The following METTL8 variants were observed in gnomAD, a reference collection of about 807,000 sequenced individuals.
The protein encoded by METTL8 is tRNA N(3)-cytidine methyltransferase METTL8, mitochondrial.
In METTL8, 32 loss-of-function variants were observed where a neutral mutation model predicts 48.7. The ratio of observed to expected loss-of-function variants is 0.66; its 90% CI spans 0.50 to 0.88. The LOEUF is 0.88. Ranked by LOEUF, METTL8 falls within the 40% of genes least tolerant of loss-of-function variation. The probability of loss-of-function intolerance (pLI) is 0.00; values close to 1 mark genes in which losing one functional copy is unlikely to be tolerated. For missense variants in METTL8, 464 were observed against 474.4 expected, an observed-to-expected ratio of 0.98 and a Z score of 0.20; for synonymous variants, 136 against 157.1, an observed-to-expected ratio of 0.87 and a Z score of 1.01.
At chr2:171,404,105 G>C (rs1328502551) in intron 1 of METTL8, among the ~76,000 whole-genome samples, 3 of 76,100 alleles carry the variant, frequency 3.9e-5, no homozygotes, top group African/African-American at 5.3e-5. Flanking sequence ...ATATATGATA[G>C]TTTAACTTAC....
At chr2:171,352,675 C>G (rs1378612778) in intron 3 of METTL8, among the ~76,000 whole-genome samples, 2 of 152,190 alleles carry the variant, frequency 1.3e-5, no homozygotes, top group Non-Finnish European at 2.9e-5. Context: ...AGGGATTCAA[C>G]TTCTTCCTGG....
chr2:171,381,724 G>C (rs944310121), intron 2 of METTL8, among the ~76,000 whole-genome samples: 3 of 151,690 alleles, frequency 2.0e-5, no homozygotes, highest in Non-Finnish European at 4.4e-5. Context: ...AGTCGGAATG[G>C]CGAGTATTAA....
At chr2:171,422,818 C>T (rs763190735) in intron 1 of METTL8, among the ~76,000 whole-genome samples, 13 of 152,128 alleles carry the variant, frequency 8.5e-5, no homozygotes, top group Non-Finnish European at 1.6e-4. Flanking sequence ...CAAATGCAGG[C>T]AAGGATGTAA....
chr2:171,434,366 C>T (rs1350956940), upstream of METTL8: 6 of 824,290 alleles, frequency 7.3e-6, no homozygotes, highest in Admixed American at 2.0e-5. Context: ...GTGCTTCTTC[C>T]CTTCTCTCCG....
chr2:171,344,038 G>C (rs530967002), intron 3 of METTL8, among the ~76,000 whole-genome samples: 1 of 152,234 alleles, frequency 6.6e-6, no homozygotes, highest in African/African-American at 2.4e-5. Flanking sequence ...CTATTTTCAA[G>C]CCTTTTCCAA....
intron 7 of METTL8, 159 bp from the exon 8 acceptor site, chr2:171,326,307 GA>G: frequency 3.6e-6 from 2 of 551,848 alleles, no homozygotes; most frequent in South Asian, 5.8e-5. Context: ...ATTTTGTAAA[GA>G]AGAAAAAACC....
intron 2 of METTL8, among the ~76,000 whole-genome samples, chr2:171,381,928 C>T (rs1369169258): frequency 2.0e-5 from 3 of 151,912 alleles, no homozygotes; most frequent in African/African-American, 4.8e-5. Flanking sequence ...ACTACAGGCA[C>T]GCATCACCAC....
chr2:171,430,495 C>T (rs1574271405), intron 1 of METTL8, among the ~76,000 whole-genome samples: 2 of 152,198 alleles, frequency 1.3e-5, no homozygotes, highest in East Asian at 3.9e-4. Flanking sequence ...TATAACAAAA[C>T]TGCACGTTCT....
chr2:171,396,786 T>C (rs941502702), intron 1 of METTL8, among the ~76,000 whole-genome samples: 1 of 151,996 alleles, frequency 6.6e-6, no homozygotes, highest in Non-Finnish European at 1.5e-5. Flanking sequence ...TAGAGAGAAA[T>C]TTATAGTTTT....
At chr2:171,382,947 G>A (rs184202716) in intron 2 of METTL8, among the ~76,000 whole-genome samples, 144 of 152,018 alleles carry the variant, frequency 9.5e-4, no homozygotes, top group African/African-American at 3.0e-3. Context: ...GGTGGCGGGC[G>A]CCTGTAATCC....
At chr2:171,401,211 C>CT (rs34794310) in intron 1 of METTL8, among the ~76,000 whole-genome samples, 175 of 152,184 alleles carry the variant, frequency 1.1e-3, no homozygotes, top group African/African-American at 4.1e-3. Flanking sequence ...TACTGTTGTA[C>CT]TTTTTTGGAG....
chr2:171,397,479 A>T (rs533337486), intron 1 of METTL8, among the ~76,000 whole-genome samples: 8 of 147,732 alleles, frequency 5.4e-5, no homozygotes, highest in African/African-American at 1.7e-4. Context: ...ACTTGAGTTC[A>T]GGAGTTCAAG....
rs141169319 is a variant in METTL8 at position 171,339,372 on chromosome 2, G to T, written c.418C>A (p.Arg140Ser). 7.4e-6 allele frequency: 12 copies of T among 1,613,050 alleles called. No homozygotes were observed. The highest frequency in any genetic ancestry group is 9.3e-6 in the Non-Finnish European group (11 of 1,179,406). ...WDHVKTSATN[R>S]FSRMHCPTVP... ...GTAGGACAGTGCATTCTTGAGAAAC[G>T]ATTTGTAGCACTAGTTTTTACATGA... The change falls in exon 4 of 10, where the codon CGT (arginine) becomes AGT (serine). Residue 140 changes from arginine to serine, a missense_variant. Transcript: ENST00000375258.
intron 3 of METTL8, among the ~76,000 whole-genome samples, chr2:171,353,463 T>C (rs1215919317): frequency 2.6e-5 from 4 of 152,088 alleles, no homozygotes; most frequent in Admixed American, 6.5e-5. Context: ...GGGTGGAGAG[T>C]TCTGTAGATG....
At chr2:171,378,565 G>A (rs1430193019) in intron 2 of METTL8, among the ~76,000 whole-genome samples, 1 of 152,122 alleles carries the variant, frequency 6.6e-6, no homozygotes, top group African/African-American at 2.4e-5. Flanking sequence ...CCGGGAGGTG[G>A]AGGTTGCAGT....
intron 2 of METTL8, chr2:171,375,233 C>T (rs555491532): frequency 5.1e-5 from 64 of 1,267,158 alleles, no homozygotes; most frequent in East Asian, 2.3e-4. Flanking sequence ...TGCACGTGGC[C>T]GCGGCCCTTT....
At chr2:171,349,031 CTA>C (rs1269403018) in intron 3 of METTL8, among the ~76,000 whole-genome samples, 1 of 152,062 alleles carries the variant, frequency 6.6e-6, no homozygotes, top group Admixed American at 6.6e-5. Flanking sequence ...AACATCTTAA[CTA>C]TTTTAAAATG....
At chr2:171,434,413 C>T, upstream of METTL8, 1 of 1,231,188 alleles carries the variant, frequency 8.1e-7, no homozygotes, top group African/African-American at 1.5e-5. Context: ...TTTCCCTCGC[C>T]CCGCCGTCGG....
intron 1 of METTL8, among the ~76,000 whole-genome samples, chr2:171,392,660 G>A (rs1045374068): frequency 2.0e-5 from 3 of 152,026 alleles, no homozygotes; most frequent in Admixed American, 1.3e-4. Flanking sequence ...CTCATTCTCC[G>A]TGCTGAACTG....
Sources: allele counts gnomAD v4.1 joint callset (sites outside exome capture counted in the v4.1 genomes callset), GRCh38; gene constraint gnomAD v4.1.1; transcripts MANE v1.5; gene names NCBI Gene and HGNC (gene_info 2026-07-23, HGNC 2026-07-21).